Variants in FGF12 observed in about 807,000 individuals in gnomAD.
FGF12 encodes the protein fibroblast growth factor 12B.
FGF12 carries 14 observed loss-of-function variants against 23.6 expected under a neutral mutation model. The ratio of observed to expected loss-of-function variants is 0.59; its 90% CI spans 0.39 to 0.93. FGF12 has a LOEUF of 0.93. Ranked by LOEUF, FGF12 falls within the 40% of genes least tolerant of loss-of-function variation. The probability of loss-of-function intolerance (pLI) is 0.00; values close to 1 mark genes in which losing one functional copy is unlikely to be tolerated. For missense variants in FGF12, 175 were observed against 217.8 expected (o/e 0.80, Z 1.24); for synonymous variants, 62 against 77.3 (o/e 0.80, Z 1.04).
intron 3 of FGF12, among the ~76,000 whole-genome samples, chr3:192,338,938 C>T (rs1278677343): frequency 1.3e-5 from 2 of 152,088 alleles, no homozygotes; most frequent in South Asian, 2.1e-4. Flanking sequence ...AGGATAAATG[C>T]TAAGAACACT....
chr3:192,550,064 T>A (rs1725593291), intron 2 of FGF12, among the ~76,000 whole-genome samples: 1 of 151,984 alleles, frequency 6.6e-6, no homozygotes, highest in African/African-American at 2.4e-5. Context: ...CACATATATC[T>A]ATACACTCAC....
chr3:192,426,094 C>G (rs1160118023), intron 2 of FGF12, among the ~76,000 whole-genome samples: 13 of 152,174 alleles, frequency 8.5e-5, no homozygotes. Flanking sequence ...TATCCACAAA[C>G]TCTCCCACGG....
chr3:192,304,787 T>C (rs547152288), intron 4 of FGF12, among the ~76,000 whole-genome samples: 1 of 152,200 alleles, frequency 6.6e-6, no homozygotes, highest in African/African-American at 2.4e-5. Context: ...TGCTTCATAA[T>C]GCTTATTCCA....
chr3:192,445,816 C>T (rs115576547), intron 2 of FGF12, among the ~76,000 whole-genome samples: 149 of 152,304 alleles, frequency 9.8e-4, no homozygotes, highest in African/African-American at 3.4e-3. Context: ...ACAAACCTCC[C>T]ACCTTCCCTA....
intron 2 of FGF12, among the ~76,000 whole-genome samples, chr3:192,517,787 T>C (rs138077081): frequency 0.012 from 1,875 of 152,306 alleles, 51 homozygotes; most frequent in African/African-American, 0.044. Context: ...AGTTTTTTAT[T>C]TTTTAAAAAA....
intron 3 of FGF12, among the ~76,000 whole-genome samples, chr3:192,337,696 GCA>G (rs1330864412): frequency 1.3e-5 from 2 of 152,110 alleles, no homozygotes; most frequent in Non-Finnish European, 2.9e-5. Flanking sequence ...AATGCTTATT[GCA>G]CAGAGTTGAT....
intron 2 of FGF12, among the ~76,000 whole-genome samples, chr3:192,534,333 T>G (rs1450112352): frequency 2.6e-5 from 4 of 152,140 alleles, no homozygotes; most frequent in South Asian, 2.1e-4. Context: ...AACTTCTGAT[T>G]TTTTCTAATC....
chr3:192,403,259 A>C (rs1281809776), intron 2 of FGF12, among the ~76,000 whole-genome samples: 1 of 152,206 alleles, frequency 6.6e-6, no homozygotes, highest in Non-Finnish European at 1.5e-5. Context: ...TGCTTCCTCA[A>C]ATGCAGAGAC....
chr3:192,421,694 T>C (rs1721531827), intron 2 of FGF12, among the ~76,000 whole-genome samples: 1 of 151,996 alleles, frequency 6.6e-6, no homozygotes, highest in Non-Finnish European at 1.5e-5. Flanking sequence ...AGGGGAAGGA[T>C]AGCATCAGGA....
intron 2 of FGF12, among the ~76,000 whole-genome samples, chr3:192,564,590 C>T (rs1712195404): frequency 6.6e-6 from 1 of 152,102 alleles, no homozygotes; most frequent in Non-Finnish European, 1.5e-5. Context: ...AATACTTGGT[C>T]TTTGGGGTCT....
intron 2 of FGF12, among the ~76,000 whole-genome samples, chr3:192,646,213 T>TATCA (rs3043792): frequency 0.49 from 73,082 of 150,432 alleles, 18,075 homozygotes; most frequent in East Asian, 0.67. Context: ...TGAGACACAA[T>TATCA]ATCAATCAAT....
chr3:192,193,455 G>T lies in FGF12; in HGVS notation c.229-22799C>A, dbSNP rs77651768. Among the ~76,000 whole-genome samples the T allele has an allele frequency of 8.6e-3, 1,314 of 152,300 alleles. 24 individuals are homozygous for T. The highest frequency in any genetic ancestry group is 0.03 in the African/African-American group (1,249 of 41,564). On this transcript the variant is annotated intron_variant, in intron 4 of 5. Transcript: ENST00000445105. The stretch of plus-strand genomic sequence containing the variant: ...GTAATAAAGGACTCACTCCTCAGCA[G>T]TGATCCAAGTTTCTTTTCCTTTTAA...
intron 4 of FGF12, among the ~76,000 whole-genome samples, chr3:192,266,458 G>C (rs1382917121): frequency 6.6e-6 from 1 of 152,072 alleles, no homozygotes; most frequent in Non-Finnish European, 1.5e-5. Flanking sequence ...TTATCTAGGA[G>C]GTTCAGTCAA....
intron 2 of FGF12, among the ~76,000 whole-genome samples, chr3:192,366,421 C>T (rs1718987137): frequency 6.6e-6 from 1 of 152,006 alleles, no homozygotes; most frequent in Non-Finnish European, 1.5e-5. Context: ...GTAATGGGGG[C>T]CATATCTAGA....
chr3:192,522,463 T>G lies in FGF12; in HGVS notation c.14-161925A>C, dbSNP rs538754860. On this transcript the variant is annotated intron_variant, in intron 2 of 5. Coordinates refer to ENST00000445105, the MANE Select transcript of FGF12 (RefSeq NM_004113.6). The stretch of plus-strand genomic sequence containing the variant: ...AAAAATGTTTGATAACTTGGTGTAC[T>G]AGAGAGAATATAAAGGAAATGGGAA... Among the ~76,000 whole-genome samples, 4 of 152,298 alleles carry G rather than the reference T, an allele frequency of 2.6e-5. No homozygotes were observed. In the South Asian group the frequency reaches 8.3e-4, roughly 32 times the overall value.
At chr3:192,708,848 G>C (rs1313648412) in intron 2 of FGF12, among the ~76,000 whole-genome samples, 1 of 152,166 alleles carries the variant, frequency 6.6e-6, no homozygotes, top group Non-Finnish European at 1.5e-5. Flanking sequence ...AATATCACTT[G>C]CAAGATGTAT....
chr3:192,333,093 C>A (rs1717209727), intron 4 of FGF12, among the ~76,000 whole-genome samples: 1 of 151,996 alleles, frequency 6.6e-6, no homozygotes, highest in Non-Finnish European at 1.5e-5. Context: ...CAGAACTAAG[C>A]AAGAAGGACA....
chr3:192,556,638 T>C (rs574015947), intron 2 of FGF12, among the ~76,000 whole-genome samples: 2 of 152,200 alleles, frequency 1.3e-5, no homozygotes, highest in African/African-American at 4.8e-5. Flanking sequence ...AATAAGGAAA[T>C]AGGAGCTGAG....
chr3:192,612,797 G>A (rs941128295), intron 2 of FGF12, among the ~76,000 whole-genome samples: 1 of 151,906 alleles, frequency 6.6e-6, no homozygotes, highest in Admixed American at 6.6e-5. Flanking sequence ...AACTTGTGGT[G>A]TTTTAATGGA....
Sources: allele counts gnomAD v4.1 joint callset (sites outside exome capture counted in the v4.1 genomes callset), GRCh38; gene constraint gnomAD v4.1.1; transcripts MANE v1.5; gene names NCBI Gene and HGNC (gene_info 2026-07-23, HGNC 2026-07-21).